LRRC66: variants seen among roughly 807,000 people sequenced by gnomAD.
LRRC66 encodes leucine rich repeat containing 66.
Under a neutral mutation model 24.6 loss-of-function variants are expected in LRRC66, and 29 were observed. That is an observed-to-expected ratio of 1.18 (90% CI 0.88 to 1.61). The LOEUF (loss-of-function observed/expected upper bound fraction) is 1.61, where lower values mean the gene tolerates loss of function less well. Among genes scored for constraint, LRRC66 ranks in the 40% most tolerant of loss-of-function variants. The pLI, the probability that LRRC66 is intolerant of heterozygous loss-of-function variation, is 0.00. For synonymous variants in LRRC66, 411 were observed against 397.6 expected (o/e 1.03, Z -0.40); for missense variants, 1,124 against 1,058.0 (o/e 1.06, Z -0.87).
At chr4:52,019,106 C>A (rs563154701) in intron 1 of LRRC66, among the ~76,000 whole-genome samples, 2 of 152,276 alleles carry the variant, frequency 1.3e-5, no homozygotes, top group East Asian at 3.9e-4. Flanking sequence ...AACTCCTGAC[C>A]TCAGGTGACC....
At chr4:52,000,415 C>T (rs758009793) in intron 3 of LRRC66, among the ~76,000 whole-genome samples, 3 of 152,188 alleles carry the variant, frequency 2.0e-5, no homozygotes, top group Non-Finnish European at 4.4e-5. Flanking sequence ...CTGTAGCAGA[C>T]AGACTCTAGG....
At chr4:51,997,681 G>A in intron 4 of LRRC66, 67 bp downstream of exon 4, 4 of 1,420,188 alleles carry the variant, frequency 2.8e-6, no homozygotes, top group South Asian at 1.3e-5. Context: ...ATTTCAAAAA[G>A]ACTAAAATGT....
chr4:51,996,704 T>G (rs1436119500), intron 4 of LRRC66, among the ~76,000 whole-genome samples: 1 of 152,226 alleles, frequency 6.6e-6, no homozygotes, highest in Admixed American at 6.5e-5. Context: ...TGTTTATGGC[T>G]GTACGCATTT....
intron 2 of LRRC66, among the ~76,000 whole-genome samples, chr4:52,012,145 C>T (rs541662293): frequency 3.5e-4 from 54 of 152,142 alleles, no homozygotes; most frequent in African/African-American, 1.3e-3. Flanking sequence ...TGAGATCATG[C>T]CACTGCACTC....
At position 51,994,677 on chromosome 4, in the gene LRRC66, T is replaced by C; in HGVS notation, c.2345A>G (p.Asp782Gly). 2 of 1,614,014 alleles carry C rather than the reference T, an allele frequency of 1.2e-6. No individual in the cohort carries two copies. Among genetic ancestry groups the C allele is most frequent in the East Asian group, 4.5e-5 (2 of 44,852 alleles). Residue 782 changes from aspartate (D) to glycine (G), a missense_variant, in exon 5 of 5, where the codon GAC (aspartate) becomes GGC (glycine). Coordinates refer to ENST00000682860, the MANE Select transcript of LRRC66 (RefSeq NM_001024611.3). Reference sequence around the variant, plus strand: ...CAGATGAGTCTTGTACATGCCAGAGTCTGGAGCAGAAATGAGAGGTTTTTC... The same window carrying C: ...CAGATGAGTCTTGTACATGCCAGAGCCTGGAGCAGAAATGAGAGGTTTTTC... Reference protein sequence around the residue: ...PFEKPLISAPDSGMYKTHLEN... With the variant: ...PFEKPLISAPGSGMYKTHLEN...
intron 3 of LRRC66, among the ~76,000 whole-genome samples, chr4:52,000,373 T>C (rs1736421170): frequency 6.6e-6 from 1 of 152,188 alleles, no homozygotes; most frequent in Non-Finnish European, 1.5e-5. Context: ...ACTACCAAGT[T>C]AAGTGGACCT....
At chr4:52,004,650 A>T (rs979645141) in intron 2 of LRRC66, among the ~76,000 whole-genome samples, 2 of 152,178 alleles carry the variant, frequency 1.3e-5, no homozygotes, top group African/African-American at 4.8e-5. Context: ...CTGTGTCTTT[A>T]ATCAACATAA....
chr4:52,018,682 C>G, intron 1 of LRRC66: 2 of 793,216 alleles, frequency 2.5e-6, no homozygotes, highest in Non-Finnish European at 3.1e-6. Flanking sequence ...CCTCAAAGGG[C>G]TCCTTATTGC....
In LRRC66 at chr4:52,018,746, C is replaced by A. The variant is rs76952615; in HGVS notation, c.-5-1128G>T. 2.3e-3 allele frequency among the ~76,000 whole-genome samples: 353 copies of A among 152,292 alleles called. 8 individuals are homozygous for A. In the East Asian group the frequency reaches 0.054, roughly 23 times the overall value. On this transcript the variant is annotated intron_variant, in intron 1 of 4. Transcript: ENST00000682860. ...TCAAAGCCTGTGTTATCTAGGTAAA[C>A]TTAATGACCTAGCTTGATAAGTTCA...
At chr4:52,000,716 C>G (rs1736428975) in intron 3 of LRRC66, among the ~76,000 whole-genome samples, 1 of 152,208 alleles carries the variant, frequency 6.6e-6, no homozygotes, top group South Asian at 2.1e-4. Context: ...AGCCCTTACT[C>G]CAGCAGCCCA....
chr4:52,018,510 TCA>T (rs1736868795), intron 1 of LRRC66: 1 of 985,410 alleles, frequency 1.0e-6, no homozygotes, highest in Non-Finnish European at 1.2e-6. Flanking sequence ...CTAATGGCAC[TCA>T]GTTTAGTTTT....
intron 2 of LRRC66, among the ~76,000 whole-genome samples, chr4:52,009,715 A>G (rs1736656327): frequency 6.6e-6 from 1 of 152,144 alleles, no homozygotes; most frequent in African/African-American, 2.4e-5. Context: ...CTTCCCATGA[A>G]AAAACTCCTG....
chr4:52,012,392 C>T (rs569890857), intron 2 of LRRC66, among the ~76,000 whole-genome samples: 1 of 152,006 alleles, frequency 6.6e-6, no homozygotes, highest in Non-Finnish European at 1.5e-5. Flanking sequence ...TCAGTTTACA[C>T]CTCCTGAATG....
intron 3 of LRRC66, among the ~76,000 whole-genome samples, chr4:51,998,918 A>G (rs1736384757): frequency 6.6e-6 from 1 of 152,230 alleles, no homozygotes; most frequent in African/African-American, 2.4e-5. Flanking sequence ...TATATCCCAC[A>G]TAGACCCTAG....
chr4:52,015,251 T>C (rs1282703638), intron 2 of LRRC66, among the ~76,000 whole-genome samples: 2 of 152,044 alleles, frequency 1.3e-5, no homozygotes, highest in African/African-American at 4.8e-5. Flanking sequence ...AGTAGCTGAG[T>C]CTACAAGTCT....
At chr4:52,007,241 C>T (rs932892809) in intron 2 of LRRC66, among the ~76,000 whole-genome samples, 2 of 152,174 alleles carry the variant, frequency 1.3e-5, no homozygotes, top group African/African-American at 4.8e-5. Context: ...TGCAATGGCA[C>T]AATCATAGCT....
chr4:52,016,406 AAAT>A (rs1476175899), intron 2 of LRRC66, among the ~76,000 whole-genome samples: 2 of 152,218 alleles, frequency 1.3e-5, no homozygotes, highest in African/African-American at 4.8e-5. Flanking sequence ...CAAGGAAAGG[AAAT>A]TAATTGTCTA....
At chr4:51,998,862 A>G (rs192056342) in intron 3 of LRRC66, among the ~76,000 whole-genome samples, 254 of 152,234 alleles carry the variant, frequency 1.7e-3, no homozygotes, top group African/African-American at 6.0e-3. Flanking sequence ...CAATTTCCTC[A>G]TTTTCACCTA....
chr4:52,010,118 G>A (rs1006386095), intron 2 of LRRC66, among the ~76,000 whole-genome samples: 12 of 152,084 alleles, frequency 7.9e-5, no homozygotes, highest in Admixed American at 7.9e-4. Flanking sequence ...AAGGTCTTGG[G>A]CAAACTGGGA....
Sources: allele counts gnomAD v4.1 joint callset (sites outside exome capture counted in the v4.1 genomes callset), GRCh38; gene constraint gnomAD v4.1.1; transcripts MANE v1.5; gene names NCBI Gene and HGNC (gene_info 2026-07-23, HGNC 2026-07-21).